CNBD1: variants seen among roughly 807,000 people sequenced by gnomAD.
CNBD1 encodes cyclic nucleotide-binding domain-containing protein 1.
CNBD1 carries 71 observed loss-of-function variants against 54.4 expected under a neutral mutation model. That is an observed-to-expected ratio of 1.30 (90% CI 1.08 to 1.59). The LOEUF is 1.59. Among genes scored for constraint, CNBD1 ranks in the 40% most tolerant of loss-of-function variants. CNBD1 has a pLI of 0.00. For synonymous variants in CNBD1, 182 were observed against 170.7 expected, an observed-to-expected ratio of 1.07 and a Z score of -0.51; for missense variants, 659 against 518.0, an observed-to-expected ratio of 1.27 and a Z score of -2.64.
rs182056043 is a variant in CNBD1 at position 87,252,145 on chromosome 8, C to A, written c.771+15033C>A. Among the ~76,000 whole-genome samples, 503 of 152,186 alleles carry A rather than the reference C, an allele frequency of 3.3e-3. 2 individuals carry two copies. Among genetic ancestry groups the A allele is most frequent in the African/African-American group, 0.012 (483 of 41,538 alleles). ...ATTCTGTTATAATCAGAATTATATTCATTATTATGATAAATATGGTTCAAC... is the reference window on the plus strand; with the variant it reads ...ATTCTGTTATAATCAGAATTATATTAATTATTATGATAAATATGGTTCAAC... On this transcript the variant is annotated intron_variant, in intron 6 of 10. Coordinates refer to ENST00000518476, the MANE Select transcript of CNBD1 (RefSeq NM_173538.3).
chr8:86,986,674 T>C (rs1031445385), intron 4 of CNBD1, among the ~76,000 whole-genome samples: 1 of 152,196 alleles, frequency 6.6e-6, no homozygotes. Context: ...TAATCCATCT[T>C]GAGTTTATTT....
chr8:87,229,422 A>T lies in CNBD1; in HGVS notation c.578-7497A>T, dbSNP rs539224058. 5.9e-5 allele frequency among the ~76,000 whole-genome samples: 9 copies of T among 152,296 alleles called. No individual in the cohort carries two copies. The East Asian group carries it at 7.7e-4, about 13-fold the overall frequency. ...TTATATTTAGCTTGCATTATTAACA[A>T]ATGTCTCTTTTCTCACAATTCATAC... On this transcript the variant is annotated intron_variant, in intron 5 of 10. Transcript: ENST00000518476.
intron 4 of CNBD1, among the ~76,000 whole-genome samples, chr8:87,194,273 C>T (rs953283208): frequency 9.2e-5 from 14 of 152,044 alleles, no homozygotes; most frequent in East Asian, 1.9e-4. Flanking sequence ...ATAACTGGTG[C>T]GATAAATTGA....
rs562353952 is a variant in CNBD1 at position 87,391,842 on chromosome 8, C to T, written c.214-36704C>T. 8.5e-5 allele frequency among the ~76,000 whole-genome samples: 13 copies of T among 152,124 alleles called. No individual in the cohort carries two copies. The East Asian group carries it at 2.5e-3, about 30-fold the overall frequency. On this transcript the variant is annotated intron_variant, in intron 2 of 7. Coordinates refer to the CNBD1 transcript ENST00000521593. ...AATGAAACAAAATAAAGTAATTTGG[C>T]CTTCATAAAAATCAAAAACTTTTGT...
chr8:87,412,014 A>G (rs931369544), intron 2 of CNBD1, among the ~76,000 whole-genome samples: 2 of 152,008 alleles, frequency 1.3e-5, no homozygotes, highest in Non-Finnish European at 2.9e-5. Flanking sequence ...TTACCTTGAC[A>G]TTCATTAGTG....
chr8:87,273,591 G>T (rs1246169406), intron 6 of CNBD1, among the ~76,000 whole-genome samples: 6 of 151,972 alleles, frequency 3.9e-5, no homozygotes, highest in Non-Finnish European at 7.4e-5. Context: ...GAGACTTTAT[G>T]TTGTGAGTAA....
chr8:86,938,686 G>T (rs1205007657), intron 3 of CNBD1, among the ~76,000 whole-genome samples: 1 of 152,060 alleles, frequency 6.6e-6, no homozygotes, highest in Non-Finnish European at 1.5e-5. Flanking sequence ...TCTCCCACTG[G>T]GTCCCTCTTG....
At chr8:86,867,085 TCTTA>T (rs772931220) in intron 1 of CNBD1, among the ~76,000 whole-genome samples, 147 of 152,334 alleles carry the variant, frequency 9.6e-4, no homozygotes, top group African/African-American at 2.4e-3. Context: ...TATTTTCTAG[TCTTA>T]CTTATAAGAA....
intron 5 of CNBD1, among the ~76,000 whole-genome samples, chr8:87,212,951 A>T (rs78959217): frequency 0.022 from 3,279 of 152,304 alleles, 111 homozygotes; most frequent in African/African-American, 0.071. Context: ...TGCAAATCAT[A>T]TATCTAATAA....
intron 5 of CNBD1, among the ~76,000 whole-genome samples, chr8:87,206,565 AGGTAAAAC>A (rs1374817290): frequency 6.6e-6 from 1 of 152,158 alleles, no homozygotes; most frequent in Non-Finnish European, 1.5e-5. Flanking sequence ...TGATTTTCAT[AGGTAAAAC>A]AGCAGATAGT....
chr8:87,327,125 G>A (rs1201720034), intron 8 of CNBD1, among the ~76,000 whole-genome samples: 1 of 143,604 alleles, frequency 7.0e-6, no homozygotes, highest in Non-Finnish European at 1.5e-5. Flanking sequence ...CGGGGGTCAG[G>A]GGTCAGGGAC....
intron 2 of CNBD1, among the ~76,000 whole-genome samples, chr8:86,904,826 A>G (rs768036380): frequency 6.6e-6 from 1 of 152,150 alleles, no homozygotes; most frequent in Non-Finnish European, 1.5e-5. Flanking sequence ...TGAGTTTTAA[A>G]AAGACTGAAC....
chr8:86,996,678 A>C (rs1275423671), intron 4 of CNBD1, among the ~76,000 whole-genome samples: 3 of 152,238 alleles, frequency 2.0e-5, no homozygotes, highest in Non-Finnish European at 4.4e-5. Context: ...ATTAAGCAGA[A>C]TAGCAAGTGT....
chr8:87,351,067 A>G (rs1228306971), intron 8 of CNBD1, among the ~76,000 whole-genome samples: 2 of 152,164 alleles, frequency 1.3e-5, no homozygotes, highest in African/African-American at 4.8e-5. Flanking sequence ...TGTGGTTTAT[A>G]TAAGGCTTAA....
chr8:87,015,532 C>T (rs1809336838), intron 4 of CNBD1, among the ~76,000 whole-genome samples: 1 of 151,980 alleles, frequency 6.6e-6, no homozygotes, highest in Admixed American at 6.6e-5. Context: ...TTTTTAAATT[C>T]TATAATCTGT....
At chr8:87,259,910 T>C (rs1029675874) in intron 6 of CNBD1, among the ~76,000 whole-genome samples, 1 of 152,210 alleles carries the variant, frequency 6.6e-6, no homozygotes, top group Non-Finnish European at 1.5e-5. Flanking sequence ...AAATGGCTGA[T>C]ATTTCTCACT....
At chr8:87,419,951 A>G (rs913246158) in intron 2 of CNBD1, among the ~76,000 whole-genome samples, 2 of 148,432 alleles carry the variant, frequency 1.3e-5, no homozygotes, top group Non-Finnish European at 3.0e-5. Context: ...ATAAAAATAT[A>G]TATTATATAT....
intron 2 of CNBD1, among the ~76,000 whole-genome samples, chr8:87,391,501 G>A (rs13280821): frequency 0.39 from 59,194 of 151,890 alleles, 11,789 homozygotes; most frequent in Middle Eastern, 0.45. Context: ...GAGTAGACAT[G>A]TGTAACAATG....
At chr8:86,939,151 G>T (rs568772770) in intron 3 of CNBD1, among the ~76,000 whole-genome samples, 1 of 152,088 alleles carries the variant, frequency 6.6e-6, no homozygotes, top group Non-Finnish European at 1.5e-5. Context: ...AGATATGGTG[G>T]CTATCTTCCA....
Sources: allele counts gnomAD v4.1 joint callset (sites outside exome capture counted in the v4.1 genomes callset), GRCh38; gene constraint gnomAD v4.1.1; transcripts MANE v1.5; gene names NCBI Gene and HGNC (gene_info 2026-07-23, HGNC 2026-07-21).